BIRC6: variants seen among roughly 807,000 people sequenced by gnomAD.
BIRC6 encodes baculoviral IAP repeat containing 6.
In BIRC6, 98 loss-of-function variants were observed where a neutral mutation model predicts 503.3. That is an observed-to-expected ratio of 0.19 (90% CI 0.17 to 0.23). The LOEUF (loss-of-function observed/expected upper bound fraction) is 0.23, where lower values mean the gene tolerates loss of function less well. Ranked by LOEUF, BIRC6 falls within the 10% of genes least tolerant of loss-of-function variation. BIRC6 has a pLI of 1.00. For synonymous variants in BIRC6, 2,240 were observed against 2,078.7 expected, an observed-to-expected ratio of 1.08 and a Z score of -2.11; for missense variants, 5,360 against 5,806.0, an observed-to-expected ratio of 0.92 and a Z score of 2.50.
intron 57 of BIRC6, among the ~76,000 whole-genome samples, chr2:32,524,256 C>T (rs887204598): frequency 6.6e-6 from 1 of 152,064 alleles, no homozygotes; most frequent in African/African-American, 2.4e-5. Flanking sequence ...GCCCTTAATA[C>T]TCATTTTTTA....
chr2:32,392,090 T>A lies in BIRC6; in HGVS notation c.891T>A (p.Pro297=). The part of the protein sequence containing the change: ...ANRRETFTSW[P]HVGYRWAQPD... The stretch of plus-strand genomic sequence containing the variant: ...GACGGGAGACATTTACCTCATGGCC[T>A]CATGTAGGCTATAGGTGGGCACAAC... The change falls in exon 5 of 74, where the codon CCT becomes CCA. Residue 297 remains proline (P), a synonymous_variant. Coordinates refer to ENST00000421745, the MANE Select transcript of BIRC6 (RefSeq NM_016252.4). 3 of 1,599,240 alleles carry A rather than the reference T, an allele frequency of 1.9e-6. No individual in the cohort carries two copies. The highest frequency in any genetic ancestry group is 2.2e-5 in the East Asian group (1 of 44,530).
chr2:32,414,658 A>C, intron 9 of BIRC6, 111 bp from the exon 10 acceptor site: 1 of 881,594 alleles, frequency 1.1e-6, no homozygotes, highest in Middle Eastern at 3.9e-4. Flanking sequence ...CAGAGCAAGA[A>C]TTTGTCTCAA....
intron 1 of BIRC6, among the ~76,000 whole-genome samples, chr2:32,365,566 G>A (rs977849771): frequency 1.3e-5 from 2 of 152,166 alleles, no homozygotes; most frequent in South Asian, 2.1e-4. Flanking sequence ...TGATCCACTC[G>A]CCTCGGCCTC....
At chr2:32,367,496 A>G (rs2035126529) in intron 1 of BIRC6, among the ~76,000 whole-genome samples, 1 of 151,748 alleles carries the variant, frequency 6.6e-6, no homozygotes, top group Non-Finnish European at 1.5e-5. Context: ...AAACAACAAA[A>G]CAGTCTGTGG....
intron 45 of BIRC6, among the ~76,000 whole-genome samples, chr2:32,495,873 T>TGTCACC (rs2052398294): frequency 6.7e-6 from 1 of 149,078 alleles, no homozygotes; most frequent in Non-Finnish European, 1.5e-5. Context: ...AGTCTCTCTC[T>TGTCACC]GTCACCCAGG....
intron 39 of BIRC6, among the ~76,000 whole-genome samples, chr2:32,482,920 GTT>G (rs781690700): frequency 3.5e-5 from 5 of 142,430 alleles, no homozygotes; most frequent in Non-Finnish European, 3.1e-5. Context: ...TATTTTTGCA[GTT>G]TTTTTTTTTT....
chr2:32,357,381 T>G lies in BIRC6; in HGVS notation c.220T>G (p.Ser74Ala). The G allele has an allele frequency of 6.5e-7, 1 of 1,548,874 alleles. No individual in the cohort carries two copies. The highest frequency in any genetic ancestry group is 8.7e-7 in the Non-Finnish European group (1 of 1,146,534). The stretch of plus-strand genomic sequence containing the variant: ...CGACGCCGACGGGCTGCACAGCCTG[T>G]CCTACCACCCTGCGCTCAACGCCAT... ...HCDADGLHSL[S>A]YHPALNAILA... is the part of the protein sequence containing the mutation. The change falls in exon 1 of 74, where the codon TCC becomes GCC. Residue 74 changes from serine (S) to alanine (A), a missense_variant. Coordinates refer to ENST00000421745, the MANE Select transcript of BIRC6 (RefSeq NM_016252.4). This position sits in a 1 kb window ranked among gnomAD's most constrained non-coding sequence, Gnocchi z 4.9.
Position 32,467,710 on chromosome 2 carries a change from A to G in BIRC6, c.5542A>G (p.Ile1848Val), listed in dbSNP as rs538292831. The change falls in exon 27 of 74, where the codon ATA (isoleucine) becomes GTA (valine). Residue 1848 changes from isoleucine (I) to valine (V), a missense_variant. Coordinates refer to ENST00000421745, the MANE Select transcript of BIRC6 (RefSeq NM_016252.4). Reference protein sequence around the residue: ...STHSLILHDLIPPPVCRFMKI... With the variant: ...STHSLILHDLVPPPVCRFMKI... ...TCATTCACTAATTCTTCATGACTTA[A>G]TACCACCTCCCGTGTGCAGATTCAT... The G allele has an allele frequency of 2.4e-5, 38 of 1,613,714 alleles. No homozygotes were observed. In the South Asian group the frequency reaches 3.6e-4, roughly 15 times the overall value.
Position 32,600,070 on chromosome 2 carries a change from C to G in BIRC6, c.13992+170C>G, listed in dbSNP as rs371469403. Among the ~76,000 whole-genome samples, 6 of 152,300 alleles carry G rather than the reference C, an allele frequency of 3.9e-5. No individual in the cohort carries two copies. In the South Asian group the frequency reaches 1.2e-3, roughly 32 times the overall value. On this transcript the variant is annotated intron_variant, in intron 70 of 73. Coordinates refer to ENST00000421745, the MANE Select transcript of BIRC6 (RefSeq NM_016252.4). ...AAGCAATAGAAGGAACTGAAAAGAG[C>G]AGAAACAGTTAAGTGTTAATTAAGA...
chr2:32,485,570 C>G lies in BIRC6; in HGVS notation c.7697-73C>G, dbSNP rs2050898901. ...ATCCTCTCTTGGGTTCAGATGTCAT[C>G]ATTTTATTGTAGGAGGTAGGACATG... On this transcript the variant is annotated intron_variant, in intron 39 of 73. Coordinates refer to ENST00000421745, the MANE Select transcript of BIRC6 (RefSeq NM_016252.4). The G allele has an allele frequency of 6.0e-6, 6 of 992,906 alleles. No homozygotes were observed. The African/African-American group carries it at 6.4e-5, about 11-fold the overall frequency. 61.5% of individuals were successfully genotyped at this position (992,906 alleles called of 1,614,324 possible).
At chr2:32,529,421 G>A (rs574264260) in intron 59 of BIRC6, 22 of 383,260 alleles carry the variant, frequency 5.7e-5, no homozygotes, top group South Asian at 3.8e-4. Flanking sequence ...CTTTGTTTAC[G>A]TTTTGCCCAT....
At chr2:32,424,067 T>G (rs1292848978) in intron 10 of BIRC6, among the ~76,000 whole-genome samples, 2 of 152,166 alleles carry the variant, frequency 1.3e-5, no homozygotes, top group Admixed American at 1.3e-4. Flanking sequence ...AAAGGCGAAA[T>G]TTTTGACTTG....
Position 32,488,661 on chromosome 2 carries a change from C to G in BIRC6, c.8042C>G (p.Ala2681Gly), listed in dbSNP as rs1157345796. The change falls in exon 42 of 74, where the codon GCA becomes GGA. Residue 2681 changes from alanine to glycine, a missense_variant. By Grantham distance (60) the Ala-to-Gly change is moderately conservative. Coordinates refer to ENST00000421745, the MANE Select transcript of BIRC6 (RefSeq NM_016252.4). ...TCAACTGGAAACAAAGAAAATGGAG[C>G]AGACATATTTTTATATAATGCTAAT... is the stretch of plus-strand genomic sequence containing the variant. ...SSSTGNKENG[A>G]DIFLYNANRI... is the part of the protein sequence containing the mutation. 5.3e-6 allele frequency: 8 copies of G among 1,497,642 alleles called. No homozygotes were observed. The highest frequency in any genetic ancestry group is 7.3e-6 in the Non-Finnish European group (8 of 1,101,866). 92.8% of individuals were successfully genotyped at this position (1,497,642 alleles called of 1,614,324 possible). A position where few individuals can be genotyped will look rare whatever the true frequency, so the allele number is the denominator to read the frequency against.
rs750752001 is a variant in BIRC6 at position 32,501,867 on chromosome 2, C to T, written c.9186C>T (p.Ala3062=). 4.3e-6 allele frequency: 7 copies of T among 1,610,866 alleles called. 1 individual carries two copies. The South Asian group carries it at 7.8e-5, about 18-fold the overall frequency. ...MMLQPILTYM[A]CGYMGRQGSL... is the part of the protein sequence containing the mutation. ...TGCAGCCAATTTTAACATACATGGC[C>T]TGTGGATATATGGGCAGACAAGTAA... Residue 3062 remains alanine (A), a synonymous_variant, in exon 47 of 74, where the codon GCC becomes GCT. Transcript: ENST00000421745.
intron 65 of BIRC6, among the ~76,000 whole-genome samples, chr2:32,571,864 T>A (rs2059936555): frequency 6.6e-6 from 1 of 152,174 alleles, no homozygotes; most frequent in Non-Finnish European, 1.5e-5. Flanking sequence ...CTTTTAAGGC[T>A]ATACACTTCT....
At position 32,545,848 on chromosome 2, in the gene BIRC6, G is replaced by C. The variant is rs2058019657; in HGVS notation, c.12798G>C (p.Val4266=). The C allele has an allele frequency of 3.7e-6, 6 of 1,612,274 alleles. No individual in the cohort carries two copies. The highest frequency in any genetic ancestry group is 5.1e-6 in the Non-Finnish European group (6 of 1,178,590). ...CCCCACGAGTTCCAAACTCTAGCGT[G>C]AATCAAACTGAGGTAGGTTCACTTT... is the stretch of plus-strand genomic sequence containing the variant. ...HHSPRVPNSS[V]NQTEPQVSSS... Residue 4266 remains valine (V), a synonymous_variant, in exon 63 of 74, where the codon GTG becomes GTC. Transcript: ENST00000421745.
intron 5 of BIRC6, among the ~76,000 whole-genome samples, chr2:32,392,768 G>T (rs2039405018): frequency 6.6e-6 from 1 of 151,724 alleles, no homozygotes; most frequent in Non-Finnish European, 1.5e-5. Flanking sequence ...GAGACTACAG[G>T]TGTGTGCCAC....
chr2:32,518,855 C>T lies in BIRC6; in HGVS notation c.11532C>T (p.Ile3844=). The T allele has an allele frequency of 6.2e-7, 1 of 1,613,528 alleles. No homozygotes were observed. The highest frequency in any genetic ancestry group is 8.5e-7 in the Non-Finnish European group (1 of 1,179,546). ...KGRINATSHV[I]QHPMYGAGHK... ...GAATTAATGCTACTAGCCACGTCAT[C>T]CAGCATCCAATGTATGGAGCAGGCC... Residue 3844 remains isoleucine, a synonymous_variant, in exon 57 of 74, where the codon ATC becomes ATT. Transcript: ENST00000421745.
intron 65 of BIRC6, among the ~76,000 whole-genome samples, chr2:32,555,411 C>A (rs142715261): frequency 6.6e-6 from 1 of 151,988 alleles, no homozygotes; most frequent in Non-Finnish European, 1.5e-5. Flanking sequence ...GAGGCCGACC[C>A]GGGCAGATCA....
Sources: allele counts gnomAD v4.1 joint callset (sites outside exome capture counted in the v4.1 genomes callset), GRCh38; gene constraint gnomAD v4.1.1; non-coding constraint Gnocchi (gnomAD v3.1); transcripts MANE v1.5; gene names NCBI Gene and HGNC (gene_info 2026-07-23, HGNC 2026-07-21).